Variants in FRMD5 observed in about 807,000 individuals in gnomAD.
FRMD5 encodes the protein FERM domain containing 5.
Under a neutral mutation model 69.0 loss-of-function variants are expected in FRMD5, and 20 were observed. The ratio of observed to expected loss-of-function variants is 0.29; its 90% CI spans 0.20 to 0.42. The LOEUF (loss-of-function observed/expected upper bound fraction) is 0.42. Ranked by LOEUF, FRMD5 falls within the 10% of genes least tolerant of loss-of-function variation. The pLI is 1.00. For missense variants in FRMD5, 595 were observed against 708.6 expected, an observed-to-expected ratio of 0.84 and a Z score of 1.82; for synonymous variants, 271 against 260.1, an observed-to-expected ratio of 1.04 and a Z score of -0.40.
intron 1 of FRMD5, among the ~76,000 whole-genome samples, chr15:44,157,154 TGA>T (rs2077541663): frequency 6.6e-6 from 1 of 152,238 alleles, no homozygotes; most frequent in Non-Finnish European, 1.5e-5. Flanking sequence ...TATTATTTTA[TGA>T]GAGCTAAAAT....
intron 1 of FRMD5, among the ~76,000 whole-genome samples, chr15:44,011,295 C>T (rs549312583): frequency 4.8e-4 from 73 of 151,162 alleles, no homozygotes; most frequent in Admixed American, 1.1e-3. Flanking sequence ...GAAATTAATA[C>T]GGTAGTAGTG....
chr15:44,069,321 C>A (rs1038806720), intron 1 of FRMD5, among the ~76,000 whole-genome samples: 11 of 152,150 alleles, frequency 7.2e-5, no homozygotes, highest in Admixed American at 2.6e-4. Context: ...CATTACATTC[C>A]TAGGCATTTA....
At chr15:44,010,400 CTTTTTT>C (rs5812260) in intron 1 of FRMD5, among the ~76,000 whole-genome samples, 1 of 139,962 alleles carries the variant, frequency 7.1e-6, no homozygotes, top group African/African-American at 2.6e-5. Context: ...TTTTCCTTTT[CTTTTTT>C]TTTTTTTTTT....
At chr15:43,874,507 C>G in intron 13 of FRMD5, 45 bp from the exon 14 acceptor site, 2 of 1,466,480 alleles carry the variant, frequency 1.4e-6, no homozygotes, top group Non-Finnish European at 9.5e-7. Context: ...CCCAATGCAC[C>G]CTTTGCTTTC....
At chr15:44,155,752 C>T (rs929135747) in intron 1 of FRMD5, among the ~76,000 whole-genome samples, 1 of 151,746 alleles carries the variant, frequency 6.6e-6, no homozygotes, top group Admixed American at 6.6e-5. Flanking sequence ...CATCACCACG[C>T]CTGTCTAATT....
chr15:44,098,115 CA>C (rs749591300), intron 1 of FRMD5, among the ~76,000 whole-genome samples: 4 of 15,724 alleles, frequency 2.5e-4, no homozygotes, highest in Admixed American at 8.8e-4. Flanking sequence ...AGTGACAAAA[CA>C]AAAAAAAAAA....
intron 1 of FRMD5, among the ~76,000 whole-genome samples, chr15:43,993,801 T>C (rs1889799169): frequency 2.0e-5 from 3 of 152,232 alleles, no homozygotes; most frequent in African/African-American, 7.2e-5. Context: ...TTATAGTCTC[T>C]TGATGAACTG....
chr15:43,905,135 C>CTT (rs746667752), intron 6 of FRMD5, among the ~76,000 whole-genome samples: 1,971 of 137,262 alleles, frequency 0.014, 82 homozygotes, highest in African/African-American at 0.051. Flanking sequence ...TCAACCTCTC[C>CTT]TTTTTTTTTT....
At chr15:44,016,918 T>TAC (rs2140238790) in intron 1 of FRMD5, among the ~76,000 whole-genome samples, 1 of 152,072 alleles carries the variant, frequency 6.6e-6, no homozygotes, top group Admixed American at 6.5e-5. Flanking sequence ...TAGCTAGGAC[T>TAC]ACAGGTGCTT....
At chr15:43,958,479 G>C (rs951953433) in intron 1 of FRMD5, among the ~76,000 whole-genome samples, 1 of 152,146 alleles carries the variant, frequency 6.6e-6, no homozygotes. Flanking sequence ...GGAGCGCAGT[G>C]GCAACATCAC....
upstream of FRMD5, chr15:44,195,343 T>C (rs1350259466): frequency 4.4e-6 from 2 of 458,234 alleles, no homozygotes; most frequent in Non-Finnish European, 7.7e-6. Flanking sequence ...CCAATGGGGG[T>C]CAGCGCGGCG....
chr15:44,124,895 G>C (rs1016239970), intron 1 of FRMD5, among the ~76,000 whole-genome samples: 1 of 152,026 alleles, frequency 6.6e-6, no homozygotes, highest in Non-Finnish European at 1.5e-5. Flanking sequence ...AGAAGAGGAC[G>C]GGAAGATCGC....
At position 43,924,288 on chromosome 15, in the gene FRMD5, G is replaced by C. The variant is rs370505804; in HGVS notation, c.124C>G (p.Leu42Val). ...TIQRDAKGQY[L>V]FDLLCHHLNL... is the part of the protein sequence containing the mutation. ...AGATGGTGGCAAAGAAGGTCAAACA[G>C]GTACTGGCCTTTGGCATCTCTCTGC... is the stretch of plus-strand genomic sequence containing the variant. Residue 42 changes from leucine to valine, a missense_variant, in exon 2 of 14, where the codon CTG becomes GTG. By Grantham distance (32) the Leu-to-Val change is conservative. Around this residue, in one of 5 missense-constraint regions of FRMD5, gnomAD observed 79 missense variants for 139.9 expected, o/e 0.56. Transcript: ENST00000417257. 2 of 1,613,900 alleles carry C rather than the reference G, an allele frequency of 1.2e-6. No homozygotes were observed.
At chr15:44,140,721 A>T (rs116223725) in intron 1 of FRMD5, among the ~76,000 whole-genome samples, 3,748 of 151,662 alleles carry the variant, frequency 0.025, 148 homozygotes, top group African/African-American at 0.079. Flanking sequence ...TCTACAAAAA[A>T]TACAAAAAAA....
chr15:43,964,796 C>T (rs2090265990), intron 1 of FRMD5, among the ~76,000 whole-genome samples: 2 of 152,118 alleles, frequency 1.3e-5, no homozygotes, highest in Admixed American at 1.3e-4. Flanking sequence ...TCCTTCCATA[C>T]CATTGCTTTG....
At chr15:43,980,138 A>G (rs2090526391) in intron 1 of FRMD5, among the ~76,000 whole-genome samples, 1 of 152,220 alleles carries the variant, frequency 6.6e-6, no homozygotes. Context: ...TTAATGTAGT[A>G]TTATGTTGCT....
intron 1 of FRMD5, among the ~76,000 whole-genome samples, chr15:43,991,831 A>G (rs1889694577): frequency 6.6e-6 from 1 of 152,206 alleles, no homozygotes; most frequent in Admixed American, 6.5e-5. Context: ...TTGGTCCAAC[A>G]TTCTTTGGAG....
chr15:44,195,353 G>A (rs2078275747), upstream of FRMD5: 1 of 445,282 alleles, frequency 2.2e-6, no homozygotes. Context: ...TCAGCGCGGC[G>A]GAACCGAGTG....
At chr15:44,009,906 A>T (rs1293974665) in intron 1 of FRMD5, among the ~76,000 whole-genome samples, 1 of 152,338 alleles carries the variant, frequency 6.6e-6, no homozygotes, top group South Asian at 2.1e-4. Context: ...AGAAATTCAA[A>T]TAAGAATTCT....
Sources: allele counts gnomAD v4.1 joint callset (sites outside exome capture counted in the v4.1 genomes callset), GRCh38; gene constraint gnomAD v4.1.1; regional missense constraint gnomAD v4.1.1; transcripts MANE v1.5; gene names NCBI Gene and HGNC (gene_info 2026-07-23, HGNC 2026-07-21).